CCDC158: variants seen among roughly 807,000 people sequenced by gnomAD.
CCDC158 encodes the protein coiled-coil domain containing 158.
CCDC158 carries 116 observed loss-of-function variants against 138.6 expected under a neutral mutation model. The ratio of observed to expected loss-of-function variants is 0.84; its 90% confidence interval spans 0.72 to 0.98. The LOEUF (loss-of-function observed/expected upper bound fraction) is 0.98. CCDC158 is among the 50% of genes least tolerant of loss of function. CCDC158 has a pLI of 0.00. For missense variants in CCDC158, 1,265 were observed against 1,306.1 expected (o/e 0.97, Z 0.48); for synonymous variants, 436 against 442.4 (o/e 0.99, Z 0.18).
chr4:76,348,713 G>C (rs549425907), intron 18 of CCDC158, among the ~76,000 whole-genome samples: 1 of 152,120 alleles, frequency 6.6e-6, no homozygotes, highest in East Asian at 1.9e-4. Context: ...TTAATTGATG[G>C]GTTTAATAGA....
At chr4:76,376,026 C>A (rs1302344131) in intron 9 of CCDC158, among the ~76,000 whole-genome samples, 2 of 151,914 alleles carry the variant, frequency 1.3e-5, no homozygotes, top group Non-Finnish European at 2.9e-5. Flanking sequence ...TATCAACACA[C>A]CTTTATTAGT....
chr4:76,338,671 G>C (rs1409891933), intron 18 of CCDC158, among the ~76,000 whole-genome samples: 1 of 152,160 alleles, frequency 6.6e-6, no homozygotes, highest in Non-Finnish European at 1.5e-5. Context: ...TAAGTGAGTT[G>C]ATGTACTTCA....
chr4:76,328,766 A>C, intron 22 of CCDC158, 134 bp downstream of exon 22: 1 of 688,434 alleles, frequency 1.5e-6, no homozygotes, highest in Non-Finnish European at 2.6e-6. Flanking sequence ...GAATGCATGA[A>C]AGAGGGAGTA....
chr4:76,377,593 G>A (rs1725834076), intron 9 of CCDC158, among the ~76,000 whole-genome samples: 1 of 152,138 alleles, frequency 6.6e-6, no homozygotes. Flanking sequence ...CCCAGACTGG[G>A]GTGGACATTC....
At chr4:76,370,590 A>G (rs928066559) in intron 10 of CCDC158, among the ~76,000 whole-genome samples, 1 of 152,192 alleles carries the variant, frequency 6.6e-6, no homozygotes, top group Non-Finnish European at 1.5e-5. Context: ...AACATCAGTA[A>G]GGAGACTGCC....
chr4:76,411,350 C>T (rs1729282062), intron 2 of CCDC158, among the ~76,000 whole-genome samples: 1 of 152,032 alleles, frequency 6.6e-6, no homozygotes, highest in Non-Finnish European at 1.5e-5. Context: ...TGTAATCAGC[C>T]ATGATCACCA....
intron 18 of CCDC158, among the ~76,000 whole-genome samples, chr4:76,337,619 C>A (rs1467819352): frequency 7.2e-5 from 11 of 151,848 alleles, no homozygotes; most frequent in African/African-American, 2.7e-4. Flanking sequence ...GTAATCCCAG[C>A]TACTTAGGAG....
At position 76,367,474 on chromosome 4, in the gene CCDC158, A is replaced by G. The variant is rs17001822; in HGVS notation, c.1650T>C (p.Cys550=). The G allele has an allele frequency of 5.6e-3, 9,062 of 1,614,208 alleles. 415 individuals carry two copies. In the African/African-American group the frequency reaches 0.1, roughly 18 times the overall value. ...CTGTCATCTGCAGTTTGAGGGCCTC[A>G]CATTCTGTCTGCACATTTCTGAGAT... ...GDHLRNVQTE[C]EALKLQMTEK... Residue 550 remains cysteine, a synonymous_variant, in exon 12 of 25, where the codon TGT becomes TGC. Coordinates refer to ENST00000682701, the MANE Select transcript of CCDC158 (RefSeq NM_001394954.1).
Position 76,337,511 on chromosome 4 carries a change from C to A in CCDC158, c.2665-3344G>T, listed in dbSNP as rs981013319. Among the ~76,000 whole-genome samples the A allele has an allele frequency of 7.2e-5, 11 of 152,210 alleles. No individual in the cohort carries two copies. The South Asian group carries it at 1.0e-3, about 14-fold the overall frequency. ...CTCCGGGAGGCCAAGGCGGGTGGAT[C>A]ACCTAGGTCAGGAGCTCGAGACCAG... On this transcript the variant is annotated intron_variant, in intron 18 of 24. Transcript: ENST00000682701.
At chr4:76,328,873 A>G (rs1330043082) in intron 22 of CCDC158, 27 bp downstream of exon 22, 2 of 1,598,548 alleles carry the variant, frequency 1.3e-6, no homozygotes, top group Non-Finnish European at 8.6e-7. Flanking sequence ...TGTAGGGCCT[A>G]TTTCTGTGCT....
At position 76,369,683 on chromosome 4, in the gene CCDC158, A is replaced by G. The variant is rs76716919; in HGVS notation, c.1150-60T>C. ...CTATTAAATAATTAAGATAAAACATATTGTCTTTATATCATATTTGGAGTT... is the reference window on the plus strand; with the variant it reads ...CTATTAAATAATTAAGATAAAACATGTTGTCTTTATATCATATTTGGAGTT... On this transcript the variant is annotated intron_variant, in intron 10 of 24. Coordinates refer to ENST00000682701, the MANE Select transcript of CCDC158 (RefSeq NM_001394954.1). 6.0e-3 allele frequency: 8,468 copies of G among 1,416,818 alleles called. 387 individuals are homozygous for G. The African/African-American group carries it at 0.1, about 17-fold the overall frequency. 87.8% of individuals were successfully genotyped at this position (1,416,818 alleles called of 1,614,324 possible). A position where few individuals can be genotyped will look rare whatever the true frequency, so the allele number is the denominator to read the frequency against.
At chr4:76,356,786 A>G (rs1723614802) in intron 14 of CCDC158, 1 of 152,214 alleles carries the variant, frequency 6.6e-6, no homozygotes, top group African/African-American at 2.4e-5. Flanking sequence ...GATAAATATT[A>G]ATTTTTATGG....
At chr4:76,394,491 T>C (rs979965469) in intron 4 of CCDC158, among the ~76,000 whole-genome samples, 8 of 151,698 alleles carry the variant, frequency 5.3e-5, no homozygotes, top group African/African-American at 1.9e-4. Context: ...GGAAGGGTAG[T>C]GGGGGAGTGA....
chr4:76,386,513 T>C (rs1486391366), intron 4 of CCDC158, among the ~76,000 whole-genome samples: 1 of 151,638 alleles, frequency 6.6e-6, no homozygotes, highest in Non-Finnish European at 1.5e-5. Flanking sequence ...GTTCCTATGC[T>C]CAGGCCTGCT....
intron 3 of CCDC158, among the ~76,000 whole-genome samples, 174 bp from the exon 4 acceptor site, chr4:76,396,660 G>A (rs1359337511): frequency 1.3e-5 from 2 of 151,994 alleles, no homozygotes; most frequent in Non-Finnish European, 2.9e-5. Flanking sequence ...ACAGGAGCGT[G>A]CCACCATGCC....
At chr4:76,348,490 C>A (rs1395613232) in intron 18 of CCDC158, among the ~76,000 whole-genome samples, 1 of 150,348 alleles carries the variant, frequency 6.7e-6, no homozygotes, top group Non-Finnish European at 1.5e-5. Context: ...GGGCAGAGCC[C>A]TTATGACCCA....
chr4:76,330,085 G>A (rs949592674), intron 21 of CCDC158, among the ~76,000 whole-genome samples: 2 of 152,196 alleles, frequency 1.3e-5, no homozygotes, highest in African/African-American at 2.4e-5. Flanking sequence ...TAGTCATGAA[G>A]AAACTCTACT....
rs181039704 is a variant in CCDC158 at position 76,373,526 on chromosome 4, T to C, written c.1030-1990A>G. Among the ~76,000 whole-genome samples the C allele has an allele frequency of 2.8e-3, 421 of 152,324 alleles. 2 individuals carry two copies. The highest frequency in any genetic ancestry group is 9.2e-3 in the African/African-American group (382 of 41,586). On this transcript the variant is annotated intron_variant, in intron 9 of 24. Coordinates refer to ENST00000682701, the MANE Select transcript of CCDC158 (RefSeq NM_001394954.1). ...GAGAACATATGACTAAGACTAACTT[T>C]TTCTTGAGAACTTTCTAGTTTTACT...
intron 21 of CCDC158, 43 bp from the exon 22 acceptor site, chr4:76,329,010 A>G: frequency 6.8e-7 from 1 of 1,460,630 alleles, no homozygotes. Flanking sequence ...CATTTCACAA[A>G]CACAGTACTA....
Sources: gnomAD v4.1 joint callset for allele counts (sites outside exome capture counted in the v4.1 genomes callset) on GRCh38, gnomAD v4.1.1 for gene constraint, MANE v1.5 for transcripts, NCBI Gene and HGNC (gene_info 2026-07-23, HGNC 2026-07-21) for gene names.